The following PLPP4 variants were observed in gnomAD, a reference collection of about 807,000 sequenced individuals.
PLPP4 encodes the protein diacylglycerol pyrophosphate like 2.
PLPP4 carries 20 observed loss-of-function variants against 32.2 expected under a neutral mutation model. The ratio of observed to expected loss-of-function variants is 0.62; its 90% CI spans 0.44 to 0.90. The LOEUF (loss-of-function observed/expected upper bound fraction) is 0.90. Ranked by LOEUF, PLPP4 falls within the 40% of genes least tolerant of loss-of-function variation. The pLI, the probability that PLPP4 is intolerant of heterozygous loss-of-function variation, is 0.00. For synonymous variants in PLPP4, 127 were observed against 133.0 expected (o/e 0.95, Z 0.31); for missense variants, 257 against 353.1 (o/e 0.73, Z 2.18).
chr10:120,487,719 T>C (rs2133830709), intron 1 of PLPP4, among the ~76,000 whole-genome samples: 1 of 152,286 alleles, frequency 6.6e-6, no homozygotes, highest in South Asian at 2.1e-4. Context: ...GGGAGATTCA[T>C]AGCATTTGGA....
chr10:120,457,435 C>T (rs1847838120), intron 1 of PLPP4, 74 bp downstream of exon 1: 4 of 1,394,064 alleles, frequency 2.9e-6, no homozygotes, highest in Non-Finnish European at 3.9e-6. Flanking sequence ...TGTGCCCTAA[C>T]TTAGTTTGCG....
intron 1 of PLPP4, among the ~76,000 whole-genome samples, chr10:120,487,387 G>A (rs984673090): frequency 6.6e-6 from 1 of 152,160 alleles, no homozygotes. Context: ...ATTTTAAAGC[G>A]GGATCGTTCT....
Position 120,561,213 on chromosome 10 carries a change from A to AT in PLPP4, c.446-13912dup, listed in dbSNP as rs371195629. ...ATCAGTCCTTTGCTTTGTGATTAGT[A>AT]TTTTTTATATCTTTTTAAACACATG... is the stretch of plus-strand genomic sequence containing the variant. On this transcript the variant is annotated intron_variant, in intron 5 of 6. Transcript: ENST00000398250. Among the ~76,000 whole-genome samples, 58 of 152,190 alleles carry AT rather than the reference A, an allele frequency of 3.8e-4. No homozygotes were observed. The East Asian group carries it at 6.8e-3, about 18-fold the overall frequency.
intron 5 of PLPP4, among the ~76,000 whole-genome samples, chr10:120,540,544 A>C (rs1847286872): frequency 6.6e-6 from 1 of 152,132 alleles, no homozygotes; most frequent in Non-Finnish European, 1.5e-5. Context: ...GCCAATTAGG[A>C]AGAGGCATCG....
chr10:120,501,212 G>GT (rs1845233313), intron 1 of PLPP4, among the ~76,000 whole-genome samples: 1 of 152,184 alleles, frequency 6.6e-6, no homozygotes, highest in Non-Finnish European at 1.5e-5. Flanking sequence ...AATTTGTTAC[G>GT]TAGCTACAGA....
chr10:120,513,835 C>T (rs539647142), intron 2 of PLPP4, 76 bp from the exon 3 acceptor site: 158 of 1,111,916 alleles, frequency 1.4e-4, no homozygotes, highest in Admixed American at 5.0e-4. Context: ...ATGAAACTAA[C>T]GGGAACTAAT....
At chr10:120,503,667 C>T (rs1845368935) in intron 1 of PLPP4, 151 bp from the exon 2 acceptor site, 1 of 1,593,746 alleles carries the variant, frequency 6.3e-7, no homozygotes, top group African/African-American at 1.3e-5. Flanking sequence ...GCCTTTGAAC[C>T]AGCTGAGAAC....
chr10:120,584,736 G>T (rs2134081920), intron 6 of PLPP4, among the ~76,000 whole-genome samples: 1 of 152,326 alleles, frequency 6.6e-6, no homozygotes, highest in South Asian at 2.1e-4. Flanking sequence ...CATAAAGTAA[G>T]TTATTGTTTG....
intron 5 of PLPP4, among the ~76,000 whole-genome samples, chr10:120,536,854 C>T (rs1847052791): frequency 6.6e-6 from 1 of 151,900 alleles, no homozygotes; most frequent in African/African-American, 2.4e-5. Flanking sequence ...AATTAAATAG[C>T]AAAAAGACAA....
At chr10:120,502,081 G>T (rs1845281763) in intron 1 of PLPP4, among the ~76,000 whole-genome samples, 1 of 152,208 alleles carries the variant, frequency 6.6e-6, no homozygotes, top group African/African-American at 2.4e-5. Flanking sequence ...TTGCACCCCA[G>T]TGAGGGGATG....
chr10:120,518,768 G>C, intron 3 of PLPP4, 65 bp from the exon 4 acceptor site: 1 of 1,190,798 alleles, frequency 8.4e-7, no homozygotes, highest in South Asian at 1.3e-5. Context: ...TGATGATAAT[G>C]ATGATGATGA....
chr10:120,537,162 C>T (rs1847070139), intron 5 of PLPP4, among the ~76,000 whole-genome samples: 2 of 152,044 alleles, frequency 1.3e-5, no homozygotes, highest in African/African-American at 4.8e-5. Flanking sequence ...ATGTAACTAC[C>T]GTATGATCAA....
At chr10:120,457,878 A>C (rs2133760408) in intron 1 of PLPP4, among the ~76,000 whole-genome samples, 1 of 152,074 alleles carries the variant, frequency 6.6e-6, no homozygotes, top group African/African-American at 2.4e-5. Context: ...TCTCCTACTG[A>C]GAAACTGTTG....
At chr10:120,531,087 CTTTT>C (rs71019773) in intron 5 of PLPP4, among the ~76,000 whole-genome samples, 6 of 100,404 alleles carry the variant, frequency 6.0e-5, no homozygotes, top group Middle Eastern at 4.7e-3. Flanking sequence ...CTGTCATTTT[CTTTT>C]TTTTTTTTTT....
chr10:120,525,328 C>A (rs1422635577), intron 5 of PLPP4, among the ~76,000 whole-genome samples: 1 of 152,208 alleles, frequency 6.6e-6, no homozygotes, highest in African/African-American at 2.4e-5. Flanking sequence ...AAATTGTGCA[C>A]ATGAATGTTT....
At chr10:120,535,422 T>A (rs879050215) in intron 5 of PLPP4, among the ~76,000 whole-genome samples, 1 of 152,166 alleles carries the variant, frequency 6.6e-6, no homozygotes, top group Non-Finnish European at 1.5e-5. Context: ...ACCTGAAAAT[T>A]TATTCTCCAT....
intron 5 of PLPP4, among the ~76,000 whole-genome samples, chr10:120,563,529 G>T (rs1034643318): frequency 6.6e-6 from 1 of 151,680 alleles, no homozygotes; most frequent in African/African-American, 2.4e-5. Context: ...GGCCGGGCGC[G>T]GTGGCTCACG....
rs955581338 is a variant in PLPP4 at position 120,589,612 on chromosome 10, A to G, written c.*110A>G. On this transcript the variant is annotated 3_prime_UTR_variant, in exon 7 of 7. Transcript: ENST00000398250. ...TGTATTTTTCATCAGTTGTTTCTCA[A>G]AGTCATCGTACTTCTGCTTCTGTTT... is the stretch of plus-strand genomic sequence containing the variant. 2 of 810,312 alleles carry G rather than the reference A, an allele frequency of 2.5e-6. No homozygotes were observed. The highest frequency in any genetic ancestry group is 3.4e-5 in the African/African-American group (2 of 58,062). The allele number at this position is 810,312 out of a possible 1,614,324, so 50.2% of individuals were successfully genotyped here. A position where few individuals can be genotyped will look rare whatever the true frequency, so the allele number is the denominator to read the frequency against.
At chr10:120,565,979 T>G (rs1296216551) in intron 5 of PLPP4, among the ~76,000 whole-genome samples, 1 of 152,188 alleles carries the variant, frequency 6.6e-6, no homozygotes, top group Non-Finnish European at 1.5e-5. Context: ...ATCCGTCTAC[T>G]GAGTTTTAAA....
Sources: gnomAD v4.1 joint callset for allele counts (sites outside exome capture counted in the v4.1 genomes callset) on GRCh38, gnomAD v4.1.1 for gene constraint, MANE v1.5 for transcripts, NCBI Gene and HGNC (gene_info 2026-07-23, HGNC 2026-07-21) for gene names.